ARK2N: variants seen among roughly 807,000 people sequenced by gnomAD.
ARK2N encodes the protein arkadia (RNF111) N-terminal like PKA signaling regulator 2N.
At chr18:46,245,289 T>C in the ARK2N span, among the ~76,000 whole-genome samples, 190 of 152,192 alleles carry the variant, frequency 1.2e-3, 1 homozygote, top group African/African-American at 4.1e-3. Flanking sequence ...AAAAGTAGGC[T>C]GGGTGCTGTG....
the ARK2N span, among the ~76,000 whole-genome samples, chr18:46,227,011 G>C: frequency 4.6e-5 from 7 of 152,122 alleles, no homozygotes; most frequent in Admixed American, 1.3e-4. Flanking sequence ...GTTTCACCAT[G>C]TTGGCCAGGC....
chr18:46,199,241 A>G, the ARK2N span, among the ~76,000 whole-genome samples: 1 of 152,114 alleles, frequency 6.6e-6, no homozygotes, highest in African/African-American at 2.4e-5. Flanking sequence ...TGGTGGGCTT[A>G]TATGTTATTT....
At chr18:46,198,310 CAAAA>C in the ARK2N span, among the ~76,000 whole-genome samples, 12 of 69,110 alleles carry the variant, frequency 1.7e-4, no homozygotes, top group East Asian at 9.6e-4. Context: ...ACTCCATCTC[CAAAA>C]AAAAAAAAAA....
At chr18:46,176,504 G>T in the ARK2N span, among the ~76,000 whole-genome samples, 1 of 151,366 alleles carries the variant, frequency 6.6e-6, no homozygotes, top group Admixed American at 6.6e-5. Flanking sequence ...ACCCAGGCTG[G>T]AGTGCAGTGG....
chr18:46,214,084 T>G, the ARK2N span, among the ~76,000 whole-genome samples: 1 of 152,232 alleles, frequency 6.6e-6, no homozygotes, highest in Non-Finnish European at 1.5e-5. Flanking sequence ...TCAGAATGCC[T>G]GTTTTATCAA....
At chr18:46,227,898 G>A in the ARK2N span, among the ~76,000 whole-genome samples, 3 of 151,956 alleles carry the variant, frequency 2.0e-5, no homozygotes, top group African/African-American at 7.2e-5. Context: ...GTGCCTGGCC[G>A]ATCTCTTTTT....
the ARK2N span, among the ~76,000 whole-genome samples, chr18:46,261,013 C>T: frequency 6.6e-6 from 1 of 152,280 alleles, no homozygotes; most frequent in African/African-American, 2.4e-5. Flanking sequence ...TCTTTTACTT[C>T]GGAGATATTT....
At chr18:46,210,685 C>T in the ARK2N span, among the ~76,000 whole-genome samples, 461 of 152,010 alleles carry the variant, frequency 3.0e-3, 3 homozygotes, top group African/African-American at 0.011. Context: ...CGAGGTGGGT[C>T]GATCACTTGA....
the ARK2N span, chr18:46,266,096 A>G: frequency 5.9e-5 from 9 of 152,210 alleles, no homozygotes; most frequent in Admixed American, 5.9e-4. Flanking sequence ...TATTTCATTC[A>G]GTTTATTCTT....
chr18:46,236,474 A>G, the ARK2N span, among the ~76,000 whole-genome samples: 1 of 152,260 alleles, frequency 6.6e-6, no homozygotes, highest in Non-Finnish European at 1.5e-5. Context: ...CTAGAGAAAG[A>G]TGCTTTTAAT....
chr18:46,241,957 C>T, the ARK2N span, among the ~76,000 whole-genome samples: 1 of 151,924 alleles, frequency 6.6e-6, no homozygotes, highest in African/African-American at 2.4e-5. Flanking sequence ...GCTGGGATTA[C>T]AGGCGCGCAC....
chr18:46,225,433 T>G, the ARK2N span, among the ~76,000 whole-genome samples: 1 of 152,242 alleles, frequency 6.6e-6, no homozygotes, highest in Non-Finnish European at 1.5e-5. Flanking sequence ...TAATATGCTT[T>G]TGCCCATTGT....
chr18:46,216,074 A>G, the ARK2N span: 1 of 1,613,804 alleles, frequency 6.2e-7, no homozygotes, highest in Non-Finnish European at 8.5e-7. The surrounding 1 kb of genome is among the most constrained non-coding windows in gnomAD (Gnocchi z 4.3). Context: ...CTGAGAAGGG[A>G]CTCTTCTGAG....
the ARK2N span, among the ~76,000 whole-genome samples, chr18:46,186,498 ATTTTTTTTT>A: frequency 1.2e-5 from 1 of 81,860 alleles, no homozygotes; most frequent in African/African-American, 5.7e-5. Context: ...CCAACTGGTG[ATTTTTTTTT>A]TTTTTTTTTT....
the ARK2N span, among the ~76,000 whole-genome samples, chr18:46,186,931 T>C: frequency 6.6e-6 from 1 of 151,722 alleles, no homozygotes; most frequent in Non-Finnish European, 1.5e-5. Context: ...CTAGGCTCAC[T>C]GCAACCTCTG....
At chr18:46,263,151 C>CCTTCCA in the ARK2N span, 2 of 1,535,370 alleles carry the variant, frequency 1.3e-6, 1 homozygote, top group South Asian at 2.4e-5. Context: ...TGCACTGTTC[C>CCTTCCA]CTTCCACTTC....
chr18:46,212,864 A>G, the ARK2N span, among the ~76,000 whole-genome samples: 1 of 151,996 alleles, frequency 6.6e-6, no homozygotes, highest in South Asian at 2.1e-4. Flanking sequence ...CTGATGCTGT[A>G]TTATGTACTT....
chr18:46,175,964 T>C, the ARK2N span, among the ~76,000 whole-genome samples: 1 of 151,988 alleles, frequency 6.6e-6, no homozygotes, highest in South Asian at 2.1e-4. Flanking sequence ...TATGTGAGAG[T>C]AACTGTCATA....
At chr18:46,182,852 T>C in the ARK2N span, among the ~76,000 whole-genome samples, 1 of 152,104 alleles carries the variant, frequency 6.6e-6, no homozygotes, top group Non-Finnish European at 1.5e-5. Flanking sequence ...ATAGAGTTTA[T>C]ATCAGTGGAG....
Sources: gnomAD v4.1 joint callset for allele counts (sites outside exome capture counted in the v4.1 genomes callset) on GRCh38, gnomAD v4.1.1 for gene constraint, Gnocchi (gnomAD v3.1) non-coding constraint, MANE v1.5 for transcripts, NCBI Gene and HGNC (gene_info 2026-07-23, HGNC 2026-07-21) for gene names.